The following ZEB1 variants were observed in gnomAD, a reference collection of about 807,000 sequenced individuals.
ZEB1 encodes zinc finger E-box binding homeobox 1.
ZEB1 carries 21 observed loss-of-function variants against 84.9 expected under a neutral mutation model. The observed-to-expected ratio is 0.25, with a 90% confidence interval of 0.18 to 0.36. ZEB1 has a LOEUF of 0.36. Among genes scored for constraint, ZEB1 ranks in the 10% least tolerant of loss-of-function variants. The pLI is 1.00. For synonymous variants in ZEB1, 420 were observed against 471.1 expected (o/e 0.89, Z 1.41); for missense variants, 1,104 against 1,330.2 (o/e 0.83, Z 2.65).
intron 1 of ZEB1, among the ~76,000 whole-genome samples, chr10:31,450,830 AATATTTTATTTAGGACCATTGC>A (rs1042700245): frequency 5.3e-5 from 8 of 152,028 alleles, no homozygotes; most frequent in African/African-American, 1.9e-4. Flanking sequence ...CTTTTAATTT[AATATTTTATTTAGGACCATTGC>A]ATATTTTATT....
chr10:31,329,941 A>G (rs972392073), intron 1 of ZEB1, among the ~76,000 whole-genome samples: 11 of 152,086 alleles, frequency 7.2e-5, no homozygotes, highest in African/African-American at 2.7e-4. Context: ...TATATTCTGG[A>G]CCAAAATTTT....
intron 1 of ZEB1, among the ~76,000 whole-genome samples, chr10:31,430,275 T>C (rs2057555652): frequency 6.6e-6 from 1 of 152,218 alleles, no homozygotes; most frequent in South Asian, 2.1e-4. Flanking sequence ...GGGGAAACTG[T>C]GTAGTGGTAG....
At chr10:31,348,661 G>A (rs2040773968) in intron 1 of ZEB1, among the ~76,000 whole-genome samples, 1 of 152,138 alleles carries the variant, frequency 6.6e-6, no homozygotes, top group Admixed American at 6.5e-5. Context: ...ATTTCAAATA[G>A]AAAATGAAAG....
chr10:31,423,954 G>A (rs181432656), intron 1 of ZEB1, among the ~76,000 whole-genome samples: 139 of 152,060 alleles, frequency 9.1e-4, no homozygotes, highest in Non-Finnish European at 8.1e-4. Flanking sequence ...TAGAGATTCT[G>A]TAATGATCAA....
chr10:31,495,538 G>A (rs550130431), intron 2 of ZEB1, among the ~76,000 whole-genome samples: 1 of 151,924 alleles, frequency 6.6e-6, no homozygotes, highest in East Asian at 1.9e-4. Context: ...TGTACTGAAA[G>A]TTTCCTTTTC....
intron 1 of ZEB1, chr10:31,360,924 T>C: frequency 1.3e-6 from 2 of 1,551,822 alleles, no homozygotes; most frequent in South Asian, 2.2e-5. Context: ...GATGCTCTAA[T>C]AAATTGCATG....
Position 31,527,048 on chromosome 10 carries a change from AAAAG to A in ZEB1, c.3165_3168del (p.Lys1055AsnfsTer23). 1.3e-6 allele frequency: 2 copies of A among 1,586,058 alleles called. No homozygotes were observed. The highest frequency in any genetic ancestry group is 8.6e-7 in the Non-Finnish European group (1 of 1,164,486). On this transcript the variant is annotated frameshift_variant, in exon 9 of 9. Transcript: ENST00000424869. LOFTEE classifies it low-confidence loss of function (END_TRUNC). ...AAGAGATGGAAGAATTGCAGGAAGAAAAAGAATGTGAAAAACCACAAGGGGATGA... is the reference window on the plus strand; with the variant it reads ...AAGAGATGGAAGAATTGCAGGAAGAAAATGTGAAAAACCACAAGGGGATGA...
chr10:31,366,543 T>G (rs1306134938), intron 1 of ZEB1, among the ~76,000 whole-genome samples: 1 of 152,240 alleles, frequency 6.6e-6, no homozygotes, highest in Non-Finnish European at 1.5e-5. Flanking sequence ...ATGTACACCA[T>G]TGCTAAAACA....
chr10:31,336,870 G>A (rs1054629146), intron 1 of ZEB1, among the ~76,000 whole-genome samples: 3 of 152,148 alleles, frequency 2.0e-5, no homozygotes, highest in African/African-American at 7.2e-5. Flanking sequence ...CTTAGGCGTT[G>A]CAGATGCTAA....
intron 1 of ZEB1, among the ~76,000 whole-genome samples, chr10:31,327,207 T>C (rs2035747762): frequency 6.7e-6 from 1 of 149,824 alleles, no homozygotes; most frequent in Admixed American, 6.7e-5. Context: ...GTCTCCCAGG[T>C]TCAAGTGATT....
intron 1 of ZEB1, among the ~76,000 whole-genome samples, chr10:31,385,229 T>C (rs770748032): frequency 3.0e-4 from 46 of 152,188 alleles, no homozygotes; most frequent in Non-Finnish European, 5.6e-4. Flanking sequence ...CATCCCAAGT[T>C]TACTACCTGT....
Position 31,527,649 on chromosome 10 carries a change from A to G in ZEB1, c.*385A>G, listed in dbSNP as rs1474641685. 5.2e-6 allele frequency: 1 copy of G among 190,858 alleles called. No homozygotes were observed. The highest frequency in any genetic ancestry group is 1.1e-5 in the Non-Finnish European group (1 of 90,876). 11.8% of individuals were successfully genotyped at this position (190,858 alleles called of 1,614,324 possible). ...TTATCTTATCAGTATTATCACTCTTATGTTGGTTTATTCTTAAGCTGTACA... is the reference window on the plus strand; with the variant it reads ...TTATCTTATCAGTATTATCACTCTTGTGTTGGTTTATTCTTAAGCTGTACA... On this transcript the variant is annotated 3_prime_UTR_variant, in exon 9 of 9. Transcript: ENST00000424869.
intron 1 of ZEB1, among the ~76,000 whole-genome samples, chr10:31,360,129 C>A (rs1337276730): frequency 6.6e-6 from 1 of 152,178 alleles, no homozygotes; most frequent in Non-Finnish European, 1.5e-5. Flanking sequence ...TTGGACTTTA[C>A]AATGTTTGCT....
chr10:31,489,543 A>G (rs577613815), intron 2 of ZEB1, among the ~76,000 whole-genome samples: 4 of 149,398 alleles, frequency 2.7e-5, no homozygotes, highest in African/African-American at 9.8e-5. Context: ...CTGTATTTTC[A>G]CTCTTCTGGT....
intron 1 of ZEB1, among the ~76,000 whole-genome samples, chr10:31,381,145 A>G (rs2047556452): frequency 6.6e-6 from 1 of 152,172 alleles, no homozygotes. Flanking sequence ...GTCATCACTA[A>G]CCCCATTTTT....
chr10:31,391,871 C>A (rs2049802609), intron 1 of ZEB1, among the ~76,000 whole-genome samples: 1 of 152,056 alleles, frequency 6.6e-6, no homozygotes, highest in African/African-American at 2.4e-5. Context: ...GGAGAATGTC[C>A]ATATTTTCAT....
At chr10:31,471,239 A>C (rs1270235579) in intron 2 of ZEB1, among the ~76,000 whole-genome samples, 6 of 121,034 alleles carry the variant, frequency 5.0e-5, no homozygotes, top group Admixed American at 4.2e-4. Flanking sequence ...TAAATGGACT[A>C]AATTCTCCAA....
chr10:31,508,047 TC>T (rs1283290065), intron 4 of ZEB1, among the ~76,000 whole-genome samples: 1 of 152,148 alleles, frequency 6.6e-6, no homozygotes, highest in African/African-American at 2.4e-5. Flanking sequence ...ATGATATCTT[TC>T]GTTATAAATA....
At chr10:31,496,848 CAAGAT>C in intron 3 of ZEB1, among the ~76,000 whole-genome samples, 1 of 152,012 alleles carries the variant, frequency 6.6e-6, no homozygotes. Flanking sequence ...TAATAAGTGT[CAAGAT>C]TAGATTTTTA....
Sources: gnomAD v4.1 joint callset for allele counts (sites outside exome capture counted in the v4.1 genomes callset) on GRCh38, gnomAD v4.1.1 for gene constraint, MANE v1.5 for transcripts, NCBI Gene and HGNC (gene_info 2026-07-23, HGNC 2026-07-21) for gene names.